Variants in INO80D observed in about 807,000 individuals in gnomAD.
INO80D encodes the protein INO80 complex subunit D.
INO80D carries 21 observed loss-of-function variants against 87.6 expected under a neutral mutation model. The ratio of observed to expected loss-of-function variants is 0.24; its 90% CI spans 0.17 to 0.35. INO80D has a LOEUF of 0.35. INO80D is among the 10% of genes least tolerant of loss of function. The probability of loss-of-function intolerance (pLI) is 1.00; values close to 1 mark genes in which losing one functional copy is unlikely to be tolerated. For missense variants in INO80D, 982 were observed against 1,280.7 expected, an observed-to-expected ratio of 0.77 and a Z score of 3.56; for synonymous variants, 440 against 491.0, an observed-to-expected ratio of 0.90 and a Z score of 1.37.
At chr2:206,040,188 G>A (rs1386834706) in intron 5 of INO80D, among the ~76,000 whole-genome samples, 1 of 146,276 alleles carries the variant, frequency 6.8e-6, no homozygotes, top group Non-Finnish European at 1.5e-5. Context: ...AGCTACTCAG[G>A]AAACTGACAC....
In INO80D at chr2:206,002,321, A is replaced by C. The variant is rs1687920406; in HGVS notation, c.*2047T>G. 1 of 152,234 alleles carries C rather than the reference A, an allele frequency of 6.6e-6. No individual in the cohort carries two copies. The highest frequency in any genetic ancestry group is 2.4e-5 in the African/African-American group (1 of 41,472). 9.4% of individuals were successfully genotyped at this position (152,234 alleles called of 1,614,324 possible). ...TAGACTCACAGGTGAGAAATATTCA[A>C]ATTATCTGTTCTCACCATTCAGAAT... On this transcript the variant is annotated 3_prime_UTR_variant, in exon 11 of 11. Coordinates refer to ENST00000403263, the MANE Select transcript of INO80D (RefSeq NM_017759.5).
At chr2:206,078,211 A>G (rs531894515) in intron 1 of INO80D, among the ~76,000 whole-genome samples, 3 of 152,138 alleles carry the variant, frequency 2.0e-5, no homozygotes, top group Admixed American at 2.0e-4. Context: ...TGAGGTCAGG[A>G]GTTCAAGACC....
At chr2:206,029,823 C>A in intron 5 of INO80D, among the ~76,000 whole-genome samples, 1 of 152,074 alleles carries the variant, frequency 6.6e-6, no homozygotes. Flanking sequence ...GCAATTTGGA[C>A]AAGATAAACA....
At chr2:206,013,551 CA>C (rs201436038) in intron 8 of INO80D, among the ~76,000 whole-genome samples, 1,495 of 122,754 alleles carry the variant, frequency 0.012, 17 homozygotes, top group African/African-American at 0.035. Flanking sequence ...GACTCCATCT[CA>C]AAAAAAAAAA....
At chr2:206,011,416 C>T (rs961463111) in intron 8 of INO80D, among the ~76,000 whole-genome samples, 6 of 152,218 alleles carry the variant, frequency 3.9e-5, no homozygotes, top group African/African-American at 1.2e-4. Flanking sequence ...TCACACAGAA[C>T]AGCCTGTGAC....
At chr2:206,041,639 C>G (rs913801589) in intron 5 of INO80D, among the ~76,000 whole-genome samples, 4 of 152,170 alleles carry the variant, frequency 2.6e-5, no homozygotes, top group Admixed American at 1.3e-4. Flanking sequence ...ATTGATATAA[C>G]AAGTTGACAA....
At chr2:206,071,257 CTTTTTTTTTTTTTTT>C (rs60979396) in intron 1 of INO80D, among the ~76,000 whole-genome samples, 1 of 81,978 alleles carries the variant, frequency 1.2e-5, no homozygotes, top group Non-Finnish European at 2.3e-5. Flanking sequence ...CACGCCCGGC[CTTTTTTTTTTTTTTT>C]TTTTTTTTTT....
chr2:206,060,258 C>T (rs1040482298), intron 3 of INO80D, among the ~76,000 whole-genome samples: 2 of 151,922 alleles, frequency 1.3e-5, no homozygotes, highest in Non-Finnish European at 2.9e-5. Context: ...TATGGCCGGG[C>T]GCAGTGGAGC....
At position 206,042,605 on chromosome 2, in the gene INO80D, C is replaced by CG. The variant is rs961639521; in HGVS notation, c.1073+3898dup. ...CTGAGGCTGGAGAATCACTTGAACT[C>CG]GGGGGGCGGAGGTTGCAGTGAGCCA... On this transcript the variant is annotated intron_variant, in intron 5 of 10. Transcript: ENST00000403263. Among the ~76,000 whole-genome samples the CG allele has an allele frequency of 4.1e-5, 6 of 148,092 alleles. No homozygotes were observed. In the Admixed American group the frequency reaches 4.2e-4, roughly 10 times the overall value.
intron 1 of INO80D, among the ~76,000 whole-genome samples, chr2:206,074,191 C>A (rs541938153): frequency 6.6e-6 from 1 of 152,238 alleles, no homozygotes; most frequent in Non-Finnish European, 1.5e-5. Flanking sequence ...CACTTTAGAG[C>A]AGCAGCAGAA....
At chr2:206,030,601 G>T (rs1293144302) in intron 5 of INO80D, among the ~76,000 whole-genome samples, 1 of 152,156 alleles carries the variant, frequency 6.6e-6, no homozygotes, top group Non-Finnish European at 1.5e-5. Flanking sequence ...AGACAGGATG[G>T]TGAACAGCAA....
At chr2:206,049,899 A>C (rs1263340561) in intron 4 of INO80D, among the ~76,000 whole-genome samples, 1 of 152,192 alleles carries the variant, frequency 6.6e-6, no homozygotes, top group Non-Finnish European at 1.5e-5. Context: ...TGGGAGGCCA[A>C]GGCGGGTGGA....
intron 1 of INO80D, among the ~76,000 whole-genome samples, chr2:206,079,471 C>T (rs1690215555): frequency 6.6e-6 from 1 of 152,168 alleles, no homozygotes; most frequent in African/African-American, 2.4e-5. Flanking sequence ...AATTTGTCTA[C>T]TTCTACCATT....
Position 206,003,161 on chromosome 2 carries a change from T to C in INO80D, c.*1207A>G, listed in dbSNP as rs141123637. ...TTTATATCTAATTTCCATATTCTGC[T>C]TTGAAAGAAACTTTAAAATGTGTAT... On this transcript the variant is annotated 3_prime_UTR_variant, in exon 11 of 11. Transcript: ENST00000403263. 1.6e-3 allele frequency: 244 copies of C among 152,372 alleles called. 1 individual carries two copies. Among genetic ancestry groups the C allele is most frequent in the African/African-American group, 4.9e-3 (202 of 41,594 alleles). 9.4% of individuals were successfully genotyped at this position (152,372 alleles called of 1,614,324 possible).
intron 9 of INO80D, among the ~76,000 whole-genome samples, chr2:206,008,485 TG>T (rs1391866250): frequency 6.6e-6 from 1 of 151,662 alleles, no homozygotes; most frequent in East Asian, 1.9e-4. Context: ...TTCACCATCT[TG>T]GCCAGGCTGG....
Position 205,994,076 on chromosome 2 carries a change from C to T in INO80D, c.*10292G>A, listed in dbSNP as rs1259393039. On this transcript the variant is annotated 3_prime_UTR_variant, in exon 11 of 11. Transcript: ENST00000403263. ...AGACGTGGTCCTCCCAGCAATGCCG[C>T]ACCCAATGCCACAAGTATGCCTGTC... 1 of 152,184 alleles carries T rather than the reference C, an allele frequency of 6.6e-6. No homozygotes were observed. Among genetic ancestry groups the T allele is most frequent in the African/African-American group, 2.4e-5 (1 of 41,438 alleles). The allele number at this position is 152,184 out of a possible 1,614,324, so 9.4% of individuals were successfully genotyped here.
chr2:206,059,753 G>A (rs924757278), intron 3 of INO80D, among the ~76,000 whole-genome samples: 1 of 152,090 alleles, frequency 6.6e-6, no homozygotes, highest in African/African-American at 2.4e-5. Context: ...GTGTGTGTGT[G>A]TCTGTGTGTC....
intron 6 of INO80D, chr2:206,025,542 A>AAAAAAAATATATATATAT (rs71301548): frequency 1.3e-5 from 1 of 76,946 alleles, no homozygotes; most frequent in Admixed American, 2.0e-4. Context: ...AAAAAAAAAA[A>AAAAAAAATATATATATAT]ATATATATAT....
At chr2:206,007,541 G>A (rs761782334) in intron 9 of INO80D, 100 bp from the exon 10 acceptor site, 19 of 1,367,598 alleles carry the variant, frequency 1.4e-5, no homozygotes, top group Non-Finnish European at 1.8e-5. Flanking sequence ...CTAACGTCAG[G>A]CAGGGCACAG....
Sources: gnomAD v4.1 joint callset for allele counts (sites outside exome capture counted in the v4.1 genomes callset) on GRCh38, gnomAD v4.1.1 for gene constraint, MANE v1.5 for transcripts, NCBI Gene and HGNC (gene_info 2026-07-23, HGNC 2026-07-21) for gene names.